ZNF862: variants seen among roughly 807,000 people sequenced by gnomAD.
ZNF862 encodes the protein zinc finger protein 862.
ZNF862 carries 64 observed loss-of-function variants against 91.1 expected under a neutral mutation model. That is an observed-to-expected ratio of 0.70 (90% CI 0.57 to 0.87). The LOEUF (loss-of-function observed/expected upper bound fraction) is 0.87. Ranked by LOEUF, ZNF862 falls within the 40% of genes least tolerant of loss-of-function variation. ZNF862 has a pLI of 0.00. For synonymous variants in ZNF862, 631 were observed against 618.1 expected, an observed-to-expected ratio of 1.02 and a Z score of -0.31; for missense variants, 1,459 against 1,528.0, an observed-to-expected ratio of 0.95 and a Z score of 0.75.
At chr7:149,854,795 C>T (rs374927818) in intron 5 of ZNF862, among the ~76,000 whole-genome samples, 27 of 152,376 alleles carry the variant, frequency 1.8e-4, no homozygotes, top group Admixed American at 4.6e-4. Flanking sequence ...GTGCTCAGGC[C>T]GGCAGCAGTG....
At chr7:149,854,493 T>C (rs1478790427) in intron 5 of ZNF862, among the ~76,000 whole-genome samples, 2 of 152,356 alleles carry the variant, frequency 1.3e-5, no homozygotes, top group Non-Finnish European at 1.5e-5. Context: ...TTGATCATTA[T>C]AACTCTGGTT....
At chr7:149,859,562 G>T in intron 6 of ZNF862, 36 bp downstream of exon 6, 1 of 1,507,814 alleles carries the variant, frequency 6.6e-7, no homozygotes. Flanking sequence ...AAGGACATGT[G>T]CCAGGGCCCA....
intron 5 of ZNF862, chr7:149,856,303 T>TA (rs1802263484): frequency 1.3e-5 from 2 of 152,246 alleles, no homozygotes; most frequent in South Asian, 4.1e-4. Context: ...AAGATGGAGA[T>TA]ACGGCCCTGT....
chr7:149,842,637 C>T (rs1282814382), intron 1 of ZNF862, among the ~76,000 whole-genome samples: 1 of 152,206 alleles, frequency 6.6e-6, no homozygotes, highest in Non-Finnish European at 1.5e-5. Flanking sequence ...GTGATGGGCT[C>T]CTTGGCCCTT....
At chr7:149,841,187 A>G (rs889762180) in intron 1 of ZNF862, 35 of 985,202 alleles carry the variant, frequency 3.6e-5, no homozygotes, top group Admixed American at 6.2e-5. Flanking sequence ...CTGTTCTACA[A>G]CTCCACTCCG....
At chr7:149,839,746 A>C (rs1801634848) in intron 1 of ZNF862, among the ~76,000 whole-genome samples, 1 of 152,198 alleles carries the variant, frequency 6.6e-6, no homozygotes, top group African/African-American at 2.4e-5. Flanking sequence ...CATGTAGCAG[A>C]CACGGCACCT....
Position 149,862,095 on chromosome 7 carries a change from T to C in ZNF862, c.2935T>C (p.Ser979Pro). 1 of 1,613,466 alleles carries C rather than the reference T, an allele frequency of 6.2e-7. No individual in the cohort carries two copies. Among genetic ancestry groups the C allele is most frequent in the Non-Finnish European group, 8.5e-7 (1 of 1,179,854 alleles). The change falls in exon 7 of 8, where the codon TCC becomes CCC. Residue 979 changes from serine (S) to proline (P), a missense_variant. Transcript: ENST00000223210. The part of the protein sequence containing the change: ...ILNLARYFEC[S>P]LPTGYSEEAL... Reference sequence around the variant, plus strand: ...CAACCTGGCCAGGTATTTCGAGTGCTCCCTCCCAACAGGATACAGTGAGGA... The same window carrying C: ...CAACCTGGCCAGGTATTTCGAGTGCCCCCTCCCAACAGGATACAGTGAGGA...
In ZNF862 at chr7:149,842,610, C is replaced by T. The variant is rs550314496; in HGVS notation, c.25-2015C>T. Among the ~76,000 whole-genome samples, 4 of 152,350 alleles carry T rather than the reference C, an allele frequency of 2.6e-5. No individual in the cohort carries two copies. In the East Asian group the frequency reaches 7.7e-4, roughly 29 times the overall value. ...AATGGACAGTCCTAGCCATGTTCCT[C>T]CTCAGGTGGAGCTAACGTGATGGGC... On this transcript the variant is annotated intron_variant, in intron 1 of 7. Coordinates refer to ENST00000223210, the MANE Select transcript of ZNF862 (RefSeq NM_001099220.3).
At chr7:149,863,299 C>G (rs141461991) in intron 7 of ZNF862, among the ~76,000 whole-genome samples, 23 of 143,360 alleles carry the variant, frequency 1.6e-4, no homozygotes, top group African/African-American at 6.3e-4. Flanking sequence ...TCTCTCTCCT[C>G]GCGTCTCTAG....
rs1278256732 is a variant in ZNF862, at chr7:149,864,890, A to G, written c.*606A>G. 1 of 152,250 alleles carries G rather than the reference A, an allele frequency of 6.6e-6. No homozygotes were observed. The allele number at this position is 152,250 out of a possible 1,614,324, so 9.4% of individuals were successfully genotyped here. A position where few individuals can be genotyped will look rare whatever the true frequency, so the allele number is the denominator to read the frequency against. On this transcript the variant is annotated 3_prime_UTR_variant, in exon 8 of 8. Coordinates refer to ENST00000223210, the MANE Select transcript of ZNF862 (RefSeq NM_001099220.3). ...AGCCCTTTGCACAGAGCACCCAAGA[A>G]AGTTCTCTTCCTGCAGCTCCAGATG...
intron 7 of ZNF862, among the ~76,000 whole-genome samples, chr7:149,863,066 A>T (rs1298371862): frequency 6.6e-6 from 1 of 152,146 alleles, no homozygotes; most frequent in Non-Finnish European, 1.5e-5. Context: ...TTCAGGCAGA[A>T]ATCTCACGGG....
At chr7:149,838,754 A>C (rs1417954444) in intron 1 of ZNF862, 119 bp downstream of exon 1, 6 of 640,762 alleles carry the variant, frequency 9.4e-6, no homozygotes, top group Non-Finnish European at 1.3e-5. Flanking sequence ...GCAGGGAAGG[A>C]CTCGCCGGCC....
intron 5 of ZNF862, among the ~76,000 whole-genome samples, chr7:149,854,085 C>T (rs1289542236): frequency 6.6e-6 from 1 of 152,150 alleles, no homozygotes; most frequent in African/African-American, 2.4e-5. Flanking sequence ...TTAGGAGGGA[C>T]GGACTCCAGC....
At chr7:149,859,400 T>C in intron 5 of ZNF862, 22 bp from the exon 6 acceptor site, 1 of 1,553,760 alleles carries the variant, frequency 6.4e-7, no homozygotes, top group Non-Finnish European at 8.7e-7. Context: ...GACATCAGCA[T>C]GATTCTTCAT....
chr7:149,839,039 A>G (rs1801617794), intron 1 of ZNF862, among the ~76,000 whole-genome samples: 1 of 152,194 alleles, frequency 6.6e-6, no homozygotes, highest in African/African-American at 2.4e-5. Context: ...CCCTGCCTAG[A>G]TCCTCCTTAC....
Position 149,848,294 on chromosome 7 carries a change from C to T in ZNF862, c.801C>T (p.Asp267=), listed in dbSNP as rs1442579369. The T allele has an allele frequency of 1.9e-6, 3 of 1,609,614 alleles. No homozygotes were observed. Among genetic ancestry groups the T allele is most frequent in the East Asian group, 2.2e-5 (1 of 44,814 alleles). ...LLPSSRAELE[D]PGGDGAIPAM... is the part of the protein sequence containing the mutation. ...CAAGTTCAAGAGCTGAACTAGAGGACCCTGGGGGGGATGGAGCAATTCCTG... is the reference window on the plus strand; with the variant it reads ...CAAGTTCAAGAGCTGAACTAGAGGATCCTGGGGGGGATGGAGCAATTCCTG... The change falls in exon 4 of 8, where the codon GAC becomes GAT. Residue 267 remains aspartate (D), a synonymous_variant. Transcript: ENST00000223210.
In ZNF862 at chr7:149,838,501, C is replaced by A; in HGVS notation, c.-111C>A. 1.4e-6 allele frequency: 1 copy of A among 711,896 alleles called. No individual in the cohort carries two copies. The allele number at this position is 711,896 out of a possible 1,614,324, so 44.1% of individuals were successfully genotyped here. A position where few individuals can be genotyped will look rare whatever the true frequency, so the allele number is the denominator to read the frequency against. On this transcript the variant is annotated 5_prime_UTR_variant, in exon 1 of 8. It adds an upstream start codon to the 5' untranslated region. Transcript: ENST00000223210. ...TTCTTGGGCCGCGCTCCCTCCCTACCTGGGTGCCCTCCCCCTCCGGGAGCC... is the reference window on the plus strand; with the variant it reads ...TTCTTGGGCCGCGCTCCCTCCCTACATGGGTGCCCTCCCCCTCCGGGAGCC...
intron 1 of ZNF862, among the ~76,000 whole-genome samples, chr7:149,840,544 CCACTCACT>C (rs535523728): frequency 1.6e-4 from 24 of 152,052 alleles, no homozygotes; most frequent in African/African-American, 4.6e-4. Context: ...CATTCTCTCA[CCACTCACT>C]CACTCACTCA....
intron 1 of ZNF862, among the ~76,000 whole-genome samples, chr7:149,842,598 A>G (rs950097208): frequency 6.6e-6 from 1 of 152,236 alleles, no homozygotes; most frequent in Non-Finnish European, 1.5e-5. Context: ...GGACAGTCCT[A>G]GCCATGTTCC....
Sources: gnomAD v4.1 joint callset for allele counts (sites outside exome capture counted in the v4.1 genomes callset) on GRCh38, gnomAD v4.1.1 for gene constraint, MANE v1.5 for transcripts, NCBI Gene and HGNC (gene_info 2026-07-23, HGNC 2026-07-21) for gene names.